The following CEP41 variants were observed in gnomAD, a reference collection of about 807,000 sequenced individuals.
CEP41 encodes the protein centrosomal protein 41.
In CEP41, 32 loss-of-function variants were observed where a neutral mutation model predicts 44.3. That is an observed-to-expected ratio of 0.72 (90% CI 0.54 to 0.97). CEP41 has a LOEUF of 0.97. Among genes scored for constraint, CEP41 ranks in the 50% least tolerant of loss-of-function variants. The pLI is 0.00. For missense variants in CEP41, 432 were observed against 455.2 expected, an observed-to-expected ratio of 0.95 and a Z score of 0.46; for synonymous variants, 151 against 168.5, an observed-to-expected ratio of 0.90 and a Z score of 0.80.
intron 3 of CEP41, among the ~76,000 whole-genome samples, chr7:130,416,320 T>C (rs1419573648): frequency 1.3e-5 from 2 of 152,266 alleles, no homozygotes; most frequent in Non-Finnish European, 1.5e-5. Context: ...CAGTTTTGGA[T>C]GCAGACTGAA....
chr7:130,407,030 T>C (rs1195921094), intron 5 of CEP41, among the ~76,000 whole-genome samples: 1 of 151,812 alleles, frequency 6.6e-6, no homozygotes, highest in African/African-American at 2.4e-5. Context: ...AAACTGAATG[T>C]AAATAACCTA....
chr7:130,397,229 A>AT lies in CEP41; in HGVS notation c.*1661dup, dbSNP rs1415106755. On this transcript the variant is annotated 3_prime_UTR_variant, in exon 11 of 11. Coordinates refer to ENST00000223208, the MANE Select transcript of CEP41 (RefSeq NM_018718.3). ...TATGGGGAAACATGACAGGCTCCTC[A>AT]TTAAAGCTATGTGTACGTTGGCTGA... 6.6e-6 allele frequency: 3 copies of AT among 454,456 alleles called. No homozygotes were observed. Among genetic ancestry groups the AT allele is most frequent in the African/African-American group, 6.0e-5 (3 of 50,016 alleles). The allele number at this position is 454,456 out of a possible 1,614,324, so 28.2% of individuals were successfully genotyped here.
At position 130,396,425 on chromosome 7, in the gene CEP41, A is replaced by G. The variant is rs1346061693; in HGVS notation, c.*2466T>C. On this transcript the variant is annotated 3_prime_UTR_variant, in exon 11 of 11. Transcript: ENST00000223208. The stretch of plus-strand genomic sequence containing the variant: ...TATTTTTTTTAAAAAATGCTTTCCT[A>G]GGAGATGCAGCAAAAATCACACCAG... The G allele has an allele frequency of 8.8e-6, 4 of 454,400 alleles. No individual in the cohort carries two copies. The highest frequency in any genetic ancestry group is 1.8e-5 in the Non-Finnish European group (4 of 226,778). 28.1% of individuals were successfully genotyped at this position (454,400 alleles called of 1,614,324 possible). A position where few individuals can be genotyped will look rare whatever the true frequency, so the allele number is the denominator to read the frequency against.
At chr7:130,437,764 CAAAAAAAAAAAAAA>C (rs1171735164) in intron 1 of CEP41, among the ~76,000 whole-genome samples, 1 of 32,426 alleles carries the variant, frequency 3.1e-5, no homozygotes, top group Non-Finnish European at 6.0e-5. Context: ...AAGACTGTCT[CAAAAAAAAAAAAAA>C]AAAAAAAAAA....
intron 6 of CEP41, among the ~76,000 whole-genome samples, chr7:130,403,998 A>G (rs1319091505): frequency 6.6e-6 from 1 of 152,230 alleles, no homozygotes. Context: ...TCAACAGTTA[A>G]TATTAGTTAG....
chr7:130,402,343 C>CAAAAAA, intron 7 of CEP41, among the ~76,000 whole-genome samples: 1 of 76,664 alleles, frequency 1.3e-5, no homozygotes, highest in Non-Finnish European at 2.5e-5. Flanking sequence ...AAGGTATTAA[C>CAAAAAA]AAAAAAAAAA....
chr7:130,423,882 T>C lies in CEP41; in HGVS notation c.97+4073A>G, dbSNP rs143339022. Among the ~76,000 whole-genome samples the C allele has an allele frequency of 8.3e-4, 126 of 152,042 alleles. 1 individual carries two copies. In the East Asian group the frequency reaches 0.022, roughly 27 times the overall value. ...ACATAAAAGGCTACATACTGTATGA[T>C]TGCATCTACACGAAATGTTCAGAAT... is the stretch of plus-strand genomic sequence containing the variant. On this transcript the variant is annotated intron_variant, in intron 2 of 10. Coordinates refer to ENST00000223208, the MANE Select transcript of CEP41 (RefSeq NM_018718.3).
rs1584867338 is a variant in CEP41 at position 130,400,033 on chromosome 7, T to A, written c.973+6A>T. ...AACATTATCTTTAAAGGTCAAAAGA[T>A]CTTACTAGGATGATCTGCAGGCCCT... On this transcript the variant is annotated splice_donor_region_variant and intron_variant, in intron 10 of 10. Transcript: ENST00000223208. 1 of 1,575,040 alleles carries A rather than the reference T, an allele frequency of 6.3e-7. No individual in the cohort carries two copies. Among genetic ancestry groups the A allele is most frequent in the East Asian group, 2.2e-5 (1 of 44,706 alleles).
chr7:130,395,671 AT>A lies in CEP41; in HGVS notation c.*3219del, dbSNP rs1406458612. ...AGCCTAGGACTCTGATTTCACTTAC[AT>A]TCCACAAGGGAATTAGAGAAAACAC... On this transcript the variant is annotated 3_prime_UTR_variant, in exon 11 of 11. Transcript: ENST00000223208. 4 of 453,790 alleles carry A rather than the reference AT, an allele frequency of 8.8e-6. No individual in the cohort carries two copies. Among genetic ancestry groups the A allele is most frequent in the African/African-American group, 8.0e-5 (4 of 49,964 alleles). The allele number at this position is 453,790 out of a possible 1,614,324, so 28.1% of individuals were successfully genotyped here.
intron 1 of CEP41, among the ~76,000 whole-genome samples, chr7:130,431,749 A>C (rs1797827300): frequency 6.6e-6 from 1 of 152,054 alleles, no homozygotes; most frequent in African/African-American, 2.4e-5. Context: ...TCTAACAGTA[A>C]CTGGCCGGCC....
chr7:130,413,302 AAAAAT>A (rs1797238816), intron 3 of CEP41, among the ~76,000 whole-genome samples: 1 of 152,226 alleles, frequency 6.6e-6, no homozygotes, highest in Non-Finnish European at 1.5e-5. Context: ...CACCATTTAA[AAAAAT>A]AAAATAAAAC....
rs577801593 is a variant in CEP41 at position 130,417,257 on chromosome 7, T to C, written c.98-291A>G. The C allele has an allele frequency of 1.2e-5, 14 of 1,207,206 alleles. No individual in the cohort carries two copies. The African/African-American group carries it at 2.0e-4, about 17-fold the overall frequency. The allele number at this position is 1,207,206 out of a possible 1,614,324, so 74.8% of individuals were successfully genotyped here. A position where few individuals can be genotyped will look rare whatever the true frequency, so the allele number is the denominator to read the frequency against. On this transcript the variant is annotated intron_variant, in intron 2 of 10. Transcript: ENST00000223208. ...CAGATGATCATTTTCTATCAGTTTG[T>C]TTTTCAAGTCTAGGCTTTCCTCCTC...
chr7:130,398,095 T>C lies in CEP41; in HGVS notation c.*796A>G, dbSNP rs982775682. The C allele has an allele frequency of 4.4e-6, 2 of 454,074 alleles. No individual in the cohort carries two copies. The highest frequency in any genetic ancestry group is 8.8e-6 in the Non-Finnish European group (2 of 226,778). 28.1% of individuals were successfully genotyped at this position (454,074 alleles called of 1,614,324 possible). Reference sequence around the variant, plus strand: ...TGGGCAATGGGCGTCATAACTGATATACTGACCACAAGTGAGGGCCGCTTT... The same window carrying C: ...TGGGCAATGGGCGTCATAACTGATACACTGACCACAAGTGAGGGCCGCTTT... On this transcript the variant is annotated 3_prime_UTR_variant, in exon 11 of 11. Coordinates refer to ENST00000223208, the MANE Select transcript of CEP41 (RefSeq NM_018718.3).
rs200612684 is a variant in CEP41, at chr7:130,400,711, G to A, written c.753C>T (p.Ser251=). Residue 251 remains serine (S), a synonymous_variant, in exon 9 of 11, where the codon TCC becomes TCT. Transcript: ENST00000223208. ...GCAGAGTATCACCTTGCTCACCTCC[G>A]GAAAGCATGAAGAGGTTTTCAAATC... ...ERGFENLFML[S]GGLKVLAQKF... 2.1e-5 allele frequency: 34 copies of A among 1,606,184 alleles called. No homozygotes were observed. Among genetic ancestry groups the A allele is most frequent in the Middle Eastern group, 1.7e-4 (1 of 5,966 alleles).
Position 130,398,575 on chromosome 7 carries a change from A to C in CEP41, c.*316T>G, listed in dbSNP as rs1554415889. The C allele has an allele frequency of 3.9e-6, 2 of 508,286 alleles. No homozygotes were observed. Among genetic ancestry groups the C allele is most frequent in the Non-Finnish European group, 3.8e-6 (1 of 262,936 alleles). 31.5% of individuals were successfully genotyped at this position (508,286 alleles called of 1,614,324 possible). A position where few individuals can be genotyped will look rare whatever the true frequency, so the allele number is the denominator to read the frequency against. On this transcript the variant is annotated 3_prime_UTR_variant, in exon 11 of 11. Coordinates refer to ENST00000223208, the MANE Select transcript of CEP41 (RefSeq NM_018718.3). Reference sequence around the variant, plus strand: ...CCCAACAAGCTGGACCTTATTAAAAAAAAACAAAACAAAAAAACTAAAAAC... The same window carrying C: ...CCCAACAAGCTGGACCTTATTAAAACAAAACAAAACAAAAAAACTAAAAAC...
At chr7:130,429,215 GGCTCCC>G (rs1797755843) in intron 1 of CEP41, among the ~76,000 whole-genome samples, 1 of 152,204 alleles carries the variant, frequency 6.6e-6, no homozygotes, top group South Asian at 2.1e-4. Context: ...CAGGTGGGCA[GGCTCCC>G]GCTGCTCCCC....
rs975222906 is a variant in CEP41 at position 130,398,811 on chromosome 7, T to C, written c.*80A>G. On this transcript the variant is annotated 3_prime_UTR_variant, in exon 11 of 11. Coordinates refer to ENST00000223208, the MANE Select transcript of CEP41 (RefSeq NM_018718.3). ...ATGGTCTTTCCTCTGCAGAAGTTTC[T>C]GGAAATGACCCAACTTGGGAAATGC... The C allele has an allele frequency of 2.1e-5, 32 of 1,540,766 alleles. No individual in the cohort carries two copies. Among genetic ancestry groups the C allele is most frequent in the Non-Finnish European group, 2.8e-5 (31 of 1,115,168 alleles).
intron 3 of CEP41, among the ~76,000 whole-genome samples, chr7:130,414,280 G>A (rs2117616724): frequency 6.6e-6 from 1 of 152,318 alleles, no homozygotes; most frequent in East Asian, 1.9e-4. Context: ...TATATGCAGT[G>A]GAACTTCTAA....
At chr7:130,421,250 T>C (rs1797499063) in intron 2 of CEP41, 1 of 985,326 alleles carries the variant, frequency 1.0e-6, no homozygotes, top group South Asian at 4.7e-5. Flanking sequence ...GAAAAGCAAG[T>C]GATTTTGTGC....
Sources: allele counts gnomAD v4.1 joint callset (sites outside exome capture counted in the v4.1 genomes callset), GRCh38; gene constraint gnomAD v4.1.1; transcripts MANE v1.5; gene names NCBI Gene and HGNC (gene_info 2026-07-23, HGNC 2026-07-21).